Variants in KCNIP4 observed in about 807,000 individuals in gnomAD.
The protein encoded by KCNIP4 is potassium voltage-gated channel interacting protein 4.
In KCNIP4, 12 loss-of-function variants were observed where a neutral mutation model predicts 34.0. The ratio of observed to expected loss-of-function variants is 0.35; its 90% CI spans 0.23 to 0.57. KCNIP4 has a LOEUF of 0.57. Among genes scored for constraint, KCNIP4 ranks in the 20% least tolerant of loss-of-function variants. The pLI, the probability that KCNIP4 is intolerant of heterozygous loss-of-function variation, is 0.83. For synonymous variants in KCNIP4, 124 were observed against 102.2 expected, an observed-to-expected ratio of 1.21 and a Z score of -1.29; for missense variants, 238 against 311.7, an observed-to-expected ratio of 0.76 and a Z score of 1.78.
At chr4:20,959,599 ACTCT>A (rs1560601979) in intron 1 of KCNIP4, among the ~76,000 whole-genome samples, 1 of 151,832 alleles carries the variant, frequency 6.6e-6, no homozygotes, top group Admixed American at 6.6e-5. Context: ...TGACACACTC[ACTCT>A]CTCTCTGATG....
intron 1 of KCNIP4, among the ~76,000 whole-genome samples, chr4:21,868,554 C>T (rs1015061705): frequency 1.3e-5 from 2 of 152,124 alleles, no homozygotes; most frequent in Non-Finnish European, 2.9e-5. Flanking sequence ...TAGTAGCAAC[C>T]TCTAGTATTT....
At chr4:20,832,550 A>T (rs1283189144) in intron 3 of KCNIP4, among the ~76,000 whole-genome samples, 2 of 152,136 alleles carry the variant, frequency 1.3e-5, no homozygotes, top group Non-Finnish European at 2.9e-5. Flanking sequence ...TGGTCATATT[A>T]TATGCATGTC....
chr4:21,871,187 TG>T (rs1046804411), intron 1 of KCNIP4, among the ~76,000 whole-genome samples: 5 of 151,116 alleles, frequency 3.3e-5, no homozygotes, highest in Non-Finnish European at 5.9e-5. Flanking sequence ...GTTGGTGTGC[TG>T]CACCCATTAA....
chr4:21,412,470 T>C (rs1724589704), intron 1 of KCNIP4, among the ~76,000 whole-genome samples: 1 of 152,206 alleles, frequency 6.6e-6, no homozygotes, highest in African/African-American at 2.4e-5. Context: ...GAACTCTGGA[T>C]TAGCCATTTA....
intron 1 of KCNIP4, among the ~76,000 whole-genome samples, chr4:21,446,468 C>T (rs985375423): frequency 5.5e-4 from 83 of 152,080 alleles, no homozygotes; most frequent in African/African-American, 2.0e-3. Flanking sequence ...AGTTCATGTC[C>T]TTTGTAGGGA....
At chr4:21,036,799 C>T (rs534714324) in intron 1 of KCNIP4, among the ~76,000 whole-genome samples, 2 of 152,294 alleles carry the variant, frequency 1.3e-5, no homozygotes, top group South Asian at 4.1e-4. Context: ...AATACTCATG[C>T]AATGCATAAT....
At chr4:21,431,580 C>T (rs1278871284) in intron 1 of KCNIP4, among the ~76,000 whole-genome samples, 1 of 152,018 alleles carries the variant, frequency 6.6e-6, no homozygotes, top group Non-Finnish European at 1.5e-5. Context: ...TCATAGATTA[C>T]ATGCTATGTA....
intron 1 of KCNIP4, among the ~76,000 whole-genome samples, chr4:21,129,150 G>A (rs971269319): frequency 6.6e-6 from 1 of 152,258 alleles, no homozygotes; most frequent in Admixed American, 6.5e-5. Flanking sequence ...TTTATAAATG[G>A]GAGTTCCCTT....
At chr4:21,746,132 C>T (rs1358031547) in intron 1 of KCNIP4, among the ~76,000 whole-genome samples, 1 of 152,098 alleles carries the variant, frequency 6.6e-6, no homozygotes, top group Non-Finnish European at 1.5e-5. Flanking sequence ...ATTTCCTCCT[C>T]TTATAGGACA....
chr4:21,448,395 G>A (rs62295492), intron 1 of KCNIP4, among the ~76,000 whole-genome samples: 6,153 of 152,118 alleles, frequency 0.04, 181 homozygotes, highest in East Asian at 0.075. Context: ...GGCAATCCAC[G>A]TTTTACAGTG....
intron 3 of KCNIP4, among the ~76,000 whole-genome samples, chr4:20,833,649 C>T (rs10021507): frequency 0.027 from 4,106 of 152,154 alleles, 103 homozygotes; most frequent in African/African-American, 0.066. Flanking sequence ...TGGTCCTTTA[C>T]GCAAAATAAT....
intron 1 of KCNIP4, among the ~76,000 whole-genome samples, chr4:21,726,884 T>G (rs1032237398): frequency 6.6e-6 from 1 of 152,186 alleles, no homozygotes; most frequent in Non-Finnish European, 1.5e-5. Context: ...TTCTCAATTA[T>G]CTTTCTGTAG....
intron 1 of KCNIP4, among the ~76,000 whole-genome samples, chr4:21,320,749 T>A (rs1714289174): frequency 6.6e-6 from 1 of 151,890 alleles, no homozygotes; most frequent in Non-Finnish European, 1.5e-5. Flanking sequence ...GGCGGGTGGA[T>A]CACTTGAGGC....
chr4:21,052,960 G>C (rs978996777), intron 1 of KCNIP4, among the ~76,000 whole-genome samples: 1 of 151,856 alleles, frequency 6.6e-6, no homozygotes, highest in African/African-American at 2.4e-5. Flanking sequence ...AGAGGGGAGA[G>C]AGATGAGAGA....
intron 1 of KCNIP4, among the ~76,000 whole-genome samples, chr4:21,313,893 A>G (rs1013498205): frequency 6.6e-6 from 1 of 152,170 alleles, no homozygotes; most frequent in African/African-American, 2.4e-5. Context: ...TCCCAAATTG[A>G]GTGACTTAGA....
intron 1 of KCNIP4, among the ~76,000 whole-genome samples, chr4:21,247,863 T>TAC (rs1433737493): frequency 1.3e-4 from 16 of 121,950 alleles, no homozygotes; most frequent in African/African-American, 1.2e-4. Context: ...TATATATATA[T>TAC]ATACACACAC....
chr4:21,445,005 G>C (rs1218083885), intron 1 of KCNIP4, among the ~76,000 whole-genome samples: 1 of 152,154 alleles, frequency 6.6e-6, no homozygotes, highest in African/African-American at 2.4e-5. Context: ...GCCAAATCAT[G>C]AGTGAGCTCC....
intron 1 of KCNIP4, among the ~76,000 whole-genome samples, chr4:21,431,835 G>A (rs1321679063): frequency 2.7e-5 from 4 of 150,336 alleles, no homozygotes; most frequent in Non-Finnish European, 5.9e-5. Context: ...GAGAAACACA[G>A]ATAGGGAACA....
chr4:21,014,392 T>G (rs1433921683), intron 1 of KCNIP4, among the ~76,000 whole-genome samples: 1 of 152,192 alleles, frequency 6.6e-6, no homozygotes, highest in Non-Finnish European at 1.5e-5. Flanking sequence ...ATCTCTGGAA[T>G]CACCTCGCCT....
Sources: allele counts gnomAD v4.1 joint callset (sites outside exome capture counted in the v4.1 genomes callset), GRCh38; gene constraint gnomAD v4.1.1; transcripts MANE v1.5; gene names NCBI Gene and HGNC (gene_info 2026-07-23, HGNC 2026-07-21).